LAG3: variants seen among roughly 807,000 people sequenced by gnomAD.
LAG3 encodes lymphocyte activating 3, also known as lymphocyte activation gene 3 protein.
Under a neutral mutation model 49.0 loss-of-function variants are expected in LAG3, and 29 were observed. The observed-to-expected ratio is 0.59, with a 90% CI of 0.44 to 0.81. LAG3 has a LOEUF of 0.81. Ranked by LOEUF, LAG3 falls within the 30% of genes least tolerant of loss-of-function variation. The pLI, the probability that LAG3 is intolerant of heterozygous loss-of-function variation, is 0.00. For missense variants in LAG3, 693 were observed against 695.2 expected (o/e 1.00, Z 0.04); for synonymous variants, 320 against 297.3 (o/e 1.08, Z -0.79).
At position 6,775,561 on chromosome 12, in the gene LAG3, T is replaced by G; in HGVS notation, c.1057+13T>G. ...GCAATCATCACAGGTCAGCCTCAGG[T>G]GGGAAAGGAGTAGCTGCCCTCCCAG... On this transcript the variant is annotated intron_variant, in intron 5 of 7. Transcript: ENST00000203629. The G allele has an allele frequency of 1.2e-6, 2 of 1,612,780 alleles. No homozygotes were observed. The highest frequency in any genetic ancestry group is 2.2e-5 in the South Asian group (2 of 91,040).
At position 6,777,931 on chromosome 12, in the gene LAG3, G is replaced by C; in HGVS notation, c.1431+10G>C. The C allele has an allele frequency of 6.2e-7, 1 of 1,612,534 alleles. No homozygotes were observed. Among genetic ancestry groups the C allele is most frequent in the Non-Finnish European group, 8.5e-7 (1 of 1,179,716 alleles). On this transcript the variant is annotated intron_variant, in intron 7 of 7. Transcript: ENST00000203629. ...CCTTTGGAGAAGACAGGTGAGCCAG[G>C]GACATGGCAACCCCGCCCCCCAGCA... is the stretch of plus-strand genomic sequence containing the variant.
In LAG3 at chr12:6,774,464, G is replaced by A. The variant is rs551389278; in HGVS notation, c.512-131G>A. On this transcript the variant is annotated intron_variant, in intron 3 of 7. Transcript: ENST00000203629. ...GGTGCTGGAAGCTGAGATGGGGAGAGGGTGATGTGGGAGAGGAGAAGACAA... is the reference window on the plus strand; with the variant it reads ...GGTGCTGGAAGCTGAGATGGGGAGAAGGTGATGTGGGAGAGGAGAAGACAA... The A allele has an allele frequency of 2.1e-5, 21 of 1,001,040 alleles. No individual in the cohort carries two copies. In the East Asian group the frequency reaches 5.2e-4, roughly 25 times the overall value. The allele number at this position is 1,001,040 out of a possible 1,614,324, so 62.0% of individuals were successfully genotyped here. A position where few individuals can be genotyped will look rare whatever the true frequency, so the allele number is the denominator to read the frequency against.
In LAG3 at chr12:6,774,685, A is replaced by G; in HGVS notation, c.602A>G (p.His201Arg). The G allele has an allele frequency of 6.2e-7, 1 of 1,614,118 alleles. No homozygotes were observed. The highest frequency in any genetic ancestry group is 8.5e-7 in the Non-Finnish European group (1 of 1,180,016). ...FSRPDRPASV[H>R]WFRNRGQGRV... is the part of the protein sequence containing the mutation. ...CGCCCTGACCGCCCAGCCTCTGTGC[A>G]TTGGTTCCGGAACCGGGGCCAGGGC... Residue 201 changes from histidine to arginine, a missense_variant, in exon 4 of 8, where the codon CAT becomes CGT. By Grantham distance (29) the His-to-Arg change is conservative. Transcript: ENST00000203629.
In LAG3 at chr12:6,774,699, C is replaced by T. The variant is rs775297183; in HGVS notation, c.616C>T (p.Arg206Trp). 131 of 1,614,044 alleles carry T rather than the reference C, an allele frequency of 8.1e-5. No individual in the cohort carries two copies. The highest frequency in any genetic ancestry group is 1.1e-4 in the Non-Finnish European group (126 of 1,180,022). The change falls in exon 4 of 8, where the codon CGG becomes TGG. Residue 206 changes from arginine to tryptophan, a missense_variant. Transcript: ENST00000203629. ...AGCCTCTGTGCATTGGTTCCGGAAC[C>T]GGGGCCAGGGCCGAGTCCCTGTCCG... The part of the protein sequence containing the change: ...RPASVHWFRN[R>W]GQGRVPVRES...
chr12:6,774,476 AGAG>A (rs1193792335), intron 3 of LAG3, 116 bp from the exon 4 acceptor site: 41 of 1,121,262 alleles, frequency 3.7e-5, no homozygotes, highest in Admixed American at 1.4e-4. Flanking sequence ...GTGATGTGGG[AGAG>A]GAGAAGACAA....
In LAG3 at chr12:6,775,433, C is replaced by T. The variant is rs138294642; in HGVS notation, c.942C>T (p.Gly314=). The change falls in exon 5 of 8, where the codon GGC becomes GGT. Residue 314 remains glycine (G), a synonymous_variant. Transcript: ENST00000203629. The part of the protein sequence containing the change: ...GPDLLVTGDN[G]DFTLRLEDVS... ...ACCTCCTGGTGACTGGAGACAATGG[C>T]GACTTTACCCTTCGACTAGAGGATG... 7.4e-6 allele frequency: 12 copies of T among 1,614,100 alleles called. No individual in the cohort carries two copies. The highest frequency in any genetic ancestry group is 2.2e-5 in the East Asian group (1 of 44,902).
chr12:6,775,335 T>C lies in LAG3; in HGVS notation c.844T>C (p.Cys282Arg), dbSNP rs748738819. The C allele has an allele frequency of 6.8e-6, 11 of 1,614,226 alleles. No homozygotes were observed. Among genetic ancestry groups the C allele is most frequent in the Non-Finnish European group, 9.3e-6 (11 of 1,180,036 alleles). ...AGCAGGTTCCAGGGTGGGGCTGCCC[T>C]GCCGCCTGCCTGCTGGTGTGGGGAC... Reference protein sequence around the residue: ...AGAGSRVGLPCRLPAGVGTRS... With the variant: ...AGAGSRVGLPRRLPAGVGTRS... The change falls in exon 5 of 8, where the codon TGC becomes CGC. Residue 282 changes from cysteine to arginine, a missense_variant. Transcript: ENST00000203629.
At chr12:6,776,217 T>C (rs1941906877) in intron 5 of LAG3, among the ~76,000 whole-genome samples, 1 of 152,192 alleles carries the variant, frequency 6.6e-6, no homozygotes, top group Admixed American at 6.5e-5. Context: ...GAGTTTTCAC[T>C]TGCTTTCTGG....
In LAG3 at chr12:6,775,299, G is replaced by C; in HGVS notation, c.808G>C (p.Val270Leu). Residue 270 changes from valine (V) to leucine (L), a missense_variant, in exon 5 of 8, where the codon GTG (valine) becomes CTG (leucine). Val to Leu is a conservative substitution (Grantham distance 32). Transcript: ENST00000203629. ...TCTGGAGCCCCCAACTCCCTTGACA[G>C]TGTACGCTGGAGCAGGTTCCAGGGT... Reference protein sequence around the residue: ...LGLEPPTPLTVYAGAGSRVGL... With the variant: ...LGLEPPTPLTLYAGAGSRVGL... 6.2e-7 allele frequency: 1 copy of C among 1,614,212 alleles called. No individual in the cohort carries two copies. The highest frequency in any genetic ancestry group is 2.2e-5 in the East Asian group (1 of 44,882).
At chr12:6,775,682 C>A (rs1326619279) in intron 5 of LAG3, 134 bp downstream of exon 5, 2 of 778,788 alleles carry the variant, frequency 2.6e-6, no homozygotes, top group Non-Finnish European at 2.0e-6. Context: ...AGAGCCTGCC[C>A]ATCTCGGCCC....
Position 6,774,607 on chromosome 12 carries a change from C to T in LAG3, c.524C>T (p.Pro175Leu), listed in dbSNP as rs2137807638. Residue 175 changes from proline to leucine, a missense_variant, in exon 4 of 8, where the codon CCC (proline) becomes CTC (leucine). Transcript: ENST00000203629. ...RLGQASMTAS[P>L]PGSLRASDWV... is the part of the protein sequence containing the mutation. ...TATCCTTGCACAGTGACTGCCAGCC[C>T]CCCAGGATCTCTCAGAGCCTCCGAC... The T allele has an allele frequency of 1.2e-6, 2 of 1,613,866 alleles. No individual in the cohort carries two copies. Among genetic ancestry groups the T allele is most frequent in the Non-Finnish European group, 1.7e-6 (2 of 1,179,922 alleles).
intron 5 of LAG3, 97 bp from the exon 6 acceptor site, chr12:6,777,167 C>T (rs1003858223): frequency 6.8e-7 from 1 of 1,461,884 alleles, no homozygotes; most frequent in East Asian, 2.3e-5. Flanking sequence ...GGCCAGAACC[C>T]AAGTGAGTGC....
intron 7 of LAG3, 141 bp downstream of exon 7, chr12:6,778,062 C>G (rs1941927517): frequency 7.3e-7 from 1 of 1,377,342 alleles, no homozygotes; most frequent in Non-Finnish European, 1.0e-6. Context: ...TCATAAGCCT[C>G]TCACTCCAGG....
intron 7 of LAG3, 90 bp downstream of exon 7, chr12:6,778,011 ACCAAATGGGACC>A: frequency 1.9e-6 from 3 of 1,570,632 alleles, no homozygotes; most frequent in Non-Finnish European, 2.6e-6. Flanking sequence ...CAGGAAGGTG[ACCAAATGGGACC>A]CTGAACTTGC....
rs764970059 is a variant in LAG3, at chr12:6,775,559, G to C, written c.1057+11G>C. 2 of 1,613,096 alleles carry C rather than the reference G, an allele frequency of 1.2e-6. No homozygotes were observed. Among genetic ancestry groups the C allele is most frequent in the Admixed American group, 1.7e-5 (1 of 60,018 alleles). On this transcript the variant is annotated intron_variant, in intron 5 of 7. Coordinates refer to ENST00000203629, the MANE Select transcript of LAG3 (RefSeq NM_002286.6). ...TGGCAATCATCACAGGTCAGCCTCAGGTGGGAAAGGAGTAGCTGCCCTCCC... is the reference window on the plus strand; with the variant it reads ...TGGCAATCATCACAGGTCAGCCTCACGTGGGAAAGGAGTAGCTGCCCTCCC...
chr12:6,778,024 C>A, intron 7 of LAG3, 103 bp downstream of exon 7: 1 of 1,545,084 alleles, frequency 6.5e-7, no homozygotes, highest in Non-Finnish European at 8.9e-7. Context: ...AAATGGGACC[C>A]TGAACTTGCC....
Position 6,775,472 on chromosome 12 carries a change from G to A in LAG3, c.981G>A (p.Gln327=). Residue 327 remains glutamine (Q), a synonymous_variant, in exon 5 of 8, where the codon CAG becomes CAA. Coordinates refer to ENST00000203629, the MANE Select transcript of LAG3 (RefSeq NM_002286.6). ...GACTAGAGGATGTGAGCCAGGCCCA[G>A]GCTGGGACCTACACCTGCCATATCC... ...TLRLEDVSQA[Q]AGTYTCHIHL... 3.7e-6 allele frequency: 6 copies of A among 1,614,114 alleles called. No individual in the cohort carries two copies. The highest frequency in any genetic ancestry group is 5.1e-6 in the Non-Finnish European group (6 of 1,180,022).
rs1453689233 is a variant in LAG3 at position 6,778,265 on chromosome 12, G to A, written c.1453G>A (p.Ala485Thr). ...RRQWRPRRFS[A>T]LEQGIHPPQA... ...ACAGTGGCGACCAAGACGATTTTCT[G>A]CCTTAGAGCAAGGGATTCACCCTCC... The change falls in exon 8 of 8, where the codon GCC (alanine) becomes ACC (threonine). Residue 485 changes from alanine to threonine, a missense_variant. Physicochemically the swap from Ala to Thr is moderately conservative, Grantham distance 58. Coordinates refer to ENST00000203629, the MANE Select transcript of LAG3 (RefSeq NM_002286.6). 1.2e-6 allele frequency: 2 copies of A among 1,605,018 alleles called. No homozygotes were observed. The highest frequency in any genetic ancestry group is 2.7e-5 in the African/African-American group (2 of 74,594).
chr12:6,774,863 G>A lies in LAG3; in HGVS notation c.780G>A (p.Leu260=), dbSNP rs1420292072. 1.9e-6 allele frequency: 3 copies of A among 1,609,920 alleles called. No individual in the cohort carries two copies. The highest frequency in any genetic ancestry group is 2.7e-5 in the African/African-American group (2 of 74,754). The change falls in exon 4 of 8, where the codon CTG becomes CTA. Residue 260 remains leucine, a splice_region_variant and synonymous_variant. Coordinates refer to ENST00000203629, the MANE Select transcript of LAG3 (RefSeq NM_002286.6). ...CCATCATGTATAACCTCACTGTTCTGGGTAACTCCCCCACTCTGCTTCACA... is the reference window on the plus strand; with the variant it reads ...CCATCATGTATAACCTCACTGTTCTAGGTAACTCCCCCACTCTGCTTCACA... ...NVSIMYNLTV[L]GLEPPTPLTV...
Sources: allele counts gnomAD v4.1 joint callset (sites outside exome capture counted in the v4.1 genomes callset), GRCh38; gene constraint gnomAD v4.1.1; transcripts MANE v1.5; gene names NCBI Gene and HGNC (gene_info 2026-07-23, HGNC 2026-07-21).